CCNK: variants seen among roughly 807,000 people sequenced by gnomAD.
CCNK encodes cyclin-K.
A neutral mutation model predicts 65.0 loss-of-function variants in CCNK; 9 were observed. That is an observed-to-expected ratio of 0.14 (90% CI 0.08 to 0.24). CCNK has a LOEUF of 0.24. Ranked by LOEUF, CCNK falls within the 10% of genes least tolerant of loss-of-function variation. CCNK has a pLI of 1.00. For missense variants in CCNK, 474 were observed against 720.0 expected (o/e 0.66, Z 3.91); for synonymous variants, 279 against 270.8 (o/e 1.03, Z -0.30).
At position 99,507,081 on chromosome 14, in the gene CCNK, C is replaced by T. The variant is rs1307601966; in HGVS notation, c.1051C>T (p.Pro351Ser). The change falls in exon 10 of 11, where the codon CCA (proline) becomes TCA (serine). Residue 351 changes from proline (P) to serine (S), a missense_variant. Around this residue, in one of 6 missense-constraint regions of CCNK, gnomAD observed 229 missense variants for 275.5 expected, o/e 0.83. Coordinates refer to ENST00000389879, the MANE Select transcript of CCNK (RefSeq NM_001099402.2). ...PKEENKAAEP[P>S]PPKIPKIETT... Reference sequence around the variant, plus strand: ...AATCTGCTTTTTCTTTGTAGAACCACCACCACCTAAAATCCCCAAAATTGA... The same window carrying T: ...AATCTGCTTTTTCTTTGTAGAACCATCACCACCTAAAATCCCCAAAATTGA... 2.5e-6 allele frequency: 4 copies of T among 1,604,040 alleles called. No individual in the cohort carries two copies. In the African/African-American group the frequency reaches 4.0e-5, roughly 16 times the overall value.
At position 99,507,082 on chromosome 14, in the gene CCNK, C is replaced by A; in HGVS notation, c.1052C>A (p.Pro351Gln). ...ATCTGCTTTTTCTTTGTAGAACCACCACCACCTAAAATCCCCAAAATTGAG... is the reference window on the plus strand; with the variant it reads ...ATCTGCTTTTTCTTTGTAGAACCACAACCACCTAAAATCCCCAAAATTGAG... ...PKEENKAAEP[P>Q]PPKIPKIETT... is the part of the protein sequence containing the mutation. The change falls in exon 10 of 11, where the codon CCA becomes CAA. Residue 351 changes from proline (P) to glutamine (Q), a missense_variant. Around this residue, in one of 6 missense-constraint regions of CCNK, gnomAD observed 229 missense variants for 275.5 expected, o/e 0.83. Coordinates refer to ENST00000389879, the MANE Select transcript of CCNK (RefSeq NM_001099402.2). The A allele has an allele frequency of 6.2e-7, 1 of 1,604,506 alleles. No individual in the cohort carries two copies. The highest frequency in any genetic ancestry group is 8.5e-7 in the Non-Finnish European group (1 of 1,171,382).
intron 9 of CCNK, 200 bp from the exon 10 acceptor site, chr14:99,506,876 T>TG: frequency 1.8e-6 from 1 of 553,324 alleles, no homozygotes; most frequent in Admixed American, 3.0e-5. Context: ...CGCAGGTCTT[T>TG]TGGAGGGAGG....
At chr14:99,510,095 AG>A in intron 10 of CCNK, 61 bp from the exon 11 acceptor site, 1 of 1,503,912 alleles carries the variant, frequency 6.6e-7, no homozygotes. Context: ...AAGGGCCAGG[AG>A]GCACTGAAAA....
At position 99,502,748 on chromosome 14, in the gene CCNK, T is replaced by G; in HGVS notation, c.775T>G (p.Ser259Ala). 6.2e-7 allele frequency: 1 copy of G among 1,613,624 alleles called. No homozygotes were observed. The highest frequency in any genetic ancestry group is 8.5e-7 in the Non-Finnish European group (1 of 1,179,606). ...CTGCCACCAAATCCTGGATCTTTACTCACAAGGAAAACAACAGATGCCTCA... is the reference window on the plus strand; with the variant it reads ...CTGCCACCAAATCCTGGATCTTTACGCACAAGGAAAACAACAGATGCCTCA... ...DICHQILDLY[S>A]QGKQQMPHHT... The change falls in exon 8 of 11, where the codon TCA (serine) becomes GCA (alanine). Residue 259 changes from serine to alanine, a missense_variant. This residue lies in a region of CCNK where 67 missense variants were observed against 150.2 expected (regional missense o/e 0.45). Coordinates refer to ENST00000389879, the MANE Select transcript of CCNK (RefSeq NM_001099402.2).
intron 1 of CCNK, among the ~76,000 whole-genome samples, chr14:99,486,222 GCAA>G (rs1217457797): frequency 3.3e-5 from 5 of 152,268 alleles, no homozygotes; most frequent in South Asian, 4.2e-4. Flanking sequence ...GGTTTGTTTT[GCAA>G]CAAAGGATGC....
At chr14:99,509,960 G>A (rs1897079007) in intron 10 of CCNK, 197 bp from the exon 11 acceptor site, 1 of 615,102 alleles carries the variant, frequency 1.6e-6, no homozygotes, top group East Asian at 2.8e-5. Flanking sequence ...CAGACAGGGT[G>A]GAGGGCCTTC....
chr14:99,510,261 G>GCCC lies in CCNK; in HGVS notation c.1224_1226dup (p.Pro409dup). On this transcript the variant is annotated inframe_insertion, in exon 11 of 11. Coordinates refer to ENST00000389879, the MANE Select transcript of CCNK (RefSeq NM_001099402.2). ...CCAGATTCCCCCTCCGGCCCACCCGGCCCCTGTGCACCAGCCACCGCCGCT... is the reference window on the plus strand; with the variant it reads ...CCAGATTCCCCCTCCGGCCCACCCGGCCCCCCCTGTGCACCAGCCACCGCCGCT... The GCCC allele has an allele frequency of 7.4e-7, 1 of 1,354,242 alleles. No homozygotes were observed. The highest frequency in any genetic ancestry group is 1.3e-5 in the South Asian group (1 of 79,096). The allele number at this position is 1,354,242 out of a possible 1,614,324, so 83.9% of individuals were successfully genotyped here. A position where few individuals can be genotyped will look rare whatever the true frequency, so the allele number is the denominator to read the frequency against.
chr14:99,501,484 T>A, intron 6 of CCNK, 71 bp downstream of exon 6: 1 of 1,028,948 alleles, frequency 9.7e-7, no homozygotes, highest in Non-Finnish European at 1.5e-6. Context: ...CCATTTCATC[T>A]AAACCCCTCA....
At chr14:99,507,861 G>A (rs1897014073) in intron 10 of CCNK, 1 of 152,212 alleles carries the variant, frequency 6.6e-6, no homozygotes, top group Non-Finnish European at 1.5e-5. Context: ...AGTAGTACAT[G>A]GTAAGCTGGA....
At chr14:99,486,451 A>G (rs564487332) in intron 1 of CCNK, among the ~76,000 whole-genome samples, 1 of 152,326 alleles carries the variant, frequency 6.6e-6, no homozygotes, top group East Asian at 1.9e-4. Context: ...CCATCCGTCA[A>G]CATGACTTTA....
intron 4 of CCNK, chr14:99,500,437 A>G (rs922017570): frequency 1.1e-5 from 2 of 185,774 alleles, no homozygotes; most frequent in Admixed American, 1.2e-4. Context: ...AAGAAATTAC[A>G]ATTTAGTCAA....
chr14:99,511,466 A>C lies in CCNK; in HGVS notation c.*684A>C, dbSNP rs1897129673. The C allele has an allele frequency of 6.6e-6, 1 of 152,600 alleles. No homozygotes were observed. Among genetic ancestry groups the C allele is most frequent in the Admixed American group, 6.5e-5 (1 of 15,288 alleles). The allele number at this position is 152,600 out of a possible 1,614,324, so 9.5% of individuals were successfully genotyped here. ...ATACTGTGAATTCCATCTTGGTTAC[A>C]AATGAGACTCCTTCAGTCAGTTATC... is the stretch of plus-strand genomic sequence containing the variant. On this transcript the variant is annotated 3_prime_UTR_variant, in exon 11 of 11. Coordinates refer to ENST00000389879, the MANE Select transcript of CCNK (RefSeq NM_001099402.2).
rs369431524 is a variant in CCNK at position 99,512,255 on chromosome 14, G to A, written c.*1473G>A. 5 of 152,210 alleles carry A rather than the reference G, an allele frequency of 3.3e-5. No homozygotes were observed. The highest frequency in any genetic ancestry group is 3.9e-4 in the East Asian group (2 of 5,164). The allele number at this position is 152,210 out of a possible 1,614,324, so 9.4% of individuals were successfully genotyped here. A position where few individuals can be genotyped will look rare whatever the true frequency, so the allele number is the denominator to read the frequency against. Reference sequence around the variant, plus strand: ...CTCTAAACGGCGCCAGGGCAGGAAGGGGTGGCTCCAGGTCTCACTGTGGCA... The same window carrying A: ...CTCTAAACGGCGCCAGGGCAGGAAGAGGTGGCTCCAGGTCTCACTGTGGCA... On this transcript the variant is annotated 3_prime_UTR_variant, in exon 11 of 11. Coordinates refer to ENST00000389879, the MANE Select transcript of CCNK (RefSeq NM_001099402.2).
intron 3 of CCNK, 66 bp downstream of exon 3, chr14:99,493,661 T>C (rs2139859027): frequency 9.4e-7 from 1 of 1,058,232 alleles, no homozygotes; most frequent in East Asian, 2.4e-5. Context: ...TTTGGTGGAC[T>C]AATTATAAGC....
intron 4 of CCNK, 165 bp from the exon 5 acceptor site, chr14:99,500,599 AGT>A: frequency 5.1e-6 from 3 of 583,732 alleles, no homozygotes; most frequent in Non-Finnish European, 9.1e-6. Flanking sequence ...AGAATTTATC[AGT>A]GTCTCTGAGC....
At chr14:99,485,608 T>C (rs1896465274) in intron 1 of CCNK, among the ~76,000 whole-genome samples, 1 of 152,178 alleles carries the variant, frequency 6.6e-6, no homozygotes, top group Non-Finnish European at 1.5e-5. Flanking sequence ...CATTCTCCTT[T>C]ATGCTGAAAA....
rs1018913773 is a variant in CCNK, at chr14:99,502,077, A to G, written c.576-130A>G. On this transcript the variant is annotated intron_variant, in intron 6 of 10. Coordinates refer to ENST00000389879, the MANE Select transcript of CCNK (RefSeq NM_001099402.2). ...GAAGAGTAAAGACTTGAGTTTATTT[A>G]TTTATAGTACTTTAATTAAATTTAG... 2.9e-6 allele frequency: 3 copies of G among 1,023,510 alleles called. No homozygotes were observed. In the African/African-American group the frequency reaches 4.9e-5, roughly 17 times the overall value. The allele number at this position is 1,023,510 out of a possible 1,614,324, so 63.4% of individuals were successfully genotyped here. A position where few individuals can be genotyped will look rare whatever the true frequency, so the allele number is the denominator to read the frequency against.
intron 6 of CCNK, chr14:99,501,802 AC>A: frequency 4.3e-6 from 1 of 232,634 alleles, no homozygotes; most frequent in Non-Finnish European, 8.3e-6. Context: ...GTGGTGGGAA[AC>A]AGAATGCCTG....
At chr14:99,498,799 T>C (rs1324030782) in intron 4 of CCNK, among the ~76,000 whole-genome samples, 1 of 152,078 alleles carries the variant, frequency 6.6e-6, no homozygotes, top group African/African-American at 2.4e-5. Context: ...CCCGGATAAA[T>C]AGGGGCTGAG....
Sources: gnomAD v4.1 joint callset for allele counts (sites outside exome capture counted in the v4.1 genomes callset) on GRCh38, gnomAD v4.1.1 for gene constraint, gnomAD v4.1.1 regional missense constraint, MANE v1.5 for transcripts, NCBI Gene and HGNC (gene_info 2026-07-23, HGNC 2026-07-21) for gene names.